RTL4: variants seen among roughly 807,000 people sequenced by gnomAD.
The protein encoded by RTL4 is retrotransposon Gag like 4.
RTL4 carries 4 observed loss-of-function variants against 5.3 expected under a neutral mutation model. The ratio of observed to expected loss-of-function variants is 0.75; its 90% CI spans 0.37 to 1.72. The LOEUF (loss-of-function observed/expected upper bound fraction) is 1.72. RTL4 is among the 40% of genes most tolerant of loss of function. The probability of loss-of-function intolerance (pLI) is 0.04; values close to 1 mark genes in which losing one functional copy is unlikely to be tolerated. For missense variants in RTL4, 260 were observed against 227.1 expected, an observed-to-expected ratio of 1.14 and a Z score of -0.93; for synonymous variants, 98 against 87.3, an observed-to-expected ratio of 1.12 and a Z score of -0.68.
chrX:112,256,922 A>G, the RTL4 span, among the ~76,000 whole-genome samples: 633 of 111,923 alleles, frequency 5.7e-3, 2 homozygotes, highest in African/African-American at 0.019. Flanking sequence ...TATTCTCTGT[A>G]GACAATCAAA....
chrX:112,325,441 A>G, the RTL4 span, among the ~76,000 whole-genome samples: 1 of 112,056 alleles, frequency 8.9e-6, no homozygotes. Context: ...TGATACTGGT[A>G]CCAAAACATT....
the RTL4 span, among the ~76,000 whole-genome samples, chrX:112,244,914 T>G: frequency 3.6e-5 from 4 of 112,088 alleles, no homozygotes; most frequent in Admixed American, 3.8e-4. Context: ...TCTCAGCATT[T>G]GCTTGTCTGT....
the RTL4 span, among the ~76,000 whole-genome samples, chrX:112,232,814 G>C: frequency 1.8e-5 from 2 of 111,200 alleles, no homozygotes; most frequent in African/African-American, 3.3e-5. Flanking sequence ...AACCTTAGGA[G>C]ACAGGAGACT....
chrX:112,266,783 G>T, the RTL4 span, among the ~76,000 whole-genome samples: 1 of 111,375 alleles, frequency 9.0e-6, no homozygotes, highest in Non-Finnish European at 1.9e-5. Context: ...TCCTAACTGA[G>T]ATGTCATAGC....
chrX:112,107,732 G>A, the RTL4 span, among the ~76,000 whole-genome samples: 1 of 111,657 alleles, frequency 9.0e-6, no homozygotes, highest in African/African-American at 3.3e-5. Flanking sequence ...GCTGCTTTCA[G>A]TGTGTTCTCT....
the RTL4 span, among the ~76,000 whole-genome samples, chrX:112,197,783 T>G: frequency 8.9e-6 from 1 of 111,859 alleles, no homozygotes; most frequent in South Asian, 3.7e-4. Context: ...ATATTTGTTT[T>G]TCTTTGTATT....
the RTL4 span, among the ~76,000 whole-genome samples, chrX:112,326,520 T>C: frequency 4.8e-3 from 540 of 111,899 alleles, 4 homozygotes; most frequent in African/African-American, 0.015. Flanking sequence ...ACGGAGTCTT[T>C]GCTGATTGCT....
the RTL4 span, among the ~76,000 whole-genome samples, chrX:112,352,920 G>A: frequency 2.7e-4 from 30 of 111,350 alleles, no homozygotes; most frequent in South Asian, 1.5e-3. Flanking sequence ...GAAAATTTTC[G>A]CAATCTACTT....
At chrX:112,453,630 T>C (rs1926781051), upstream of RTL4, among the ~76,000 whole-genome samples, 1 of 111,813 alleles carries the variant, frequency 8.9e-6, no homozygotes, top group African/African-American at 3.2e-5. Context: ...TGCAGGCTAG[T>C]CTTGGGGCAC....
At chrX:112,093,129 C>A in the RTL4 span, among the ~76,000 whole-genome samples, 4 of 111,427 alleles carry the variant, frequency 3.6e-5, no homozygotes, top group South Asian at 7.6e-4. Context: ...TTATTCTATT[C>A]ATTTCCACTA....
chrX:112,454,705 T>A (rs1239550038), exon 1 of RTL4: 2 of 1,157,376 alleles, frequency 1.7e-6, no homozygotes, highest in East Asian at 3.0e-5. Flanking sequence ...TTCTACTCAA[T>A]CCCACCTGAT....
At chrX:112,141,902 T>C in the RTL4 span, among the ~76,000 whole-genome samples, 1 of 111,864 alleles carries the variant, frequency 8.9e-6, no homozygotes, top group Non-Finnish European at 1.9e-5. Context: ...TAACTAAGGG[T>C]TTTGGAATCT....
At chrX:112,434,685 G>A in the RTL4 span, among the ~76,000 whole-genome samples, 2 of 111,074 alleles carry the variant, frequency 1.8e-5, no homozygotes, top group African/African-American at 3.3e-5. Flanking sequence ...AAAAACCCGA[G>A]TGGTTATTTC....
At chrX:112,440,066 C>A in the RTL4 span, among the ~76,000 whole-genome samples, 1 of 111,583 alleles carries the variant, frequency 9.0e-6, no homozygotes, top group Admixed American at 9.5e-5. Context: ...AAGAGGAACA[C>A]AAATGTCCTC....
At chrX:112,429,420 A>G in the RTL4 span, among the ~76,000 whole-genome samples, 1 of 111,050 alleles carries the variant, frequency 9.0e-6, no homozygotes, top group East Asian at 2.8e-4. Context: ...ATAACACCAT[A>G]CCATTTCATG....
the RTL4 span, among the ~76,000 whole-genome samples, chrX:112,419,628 A>ATAT: frequency 2.2e-3 from 20 of 9,206 alleles, no homozygotes; most frequent in African/African-American, 3.0e-3. Context: ...TATATATTTA[A>ATAT]GTATGTAAAT....
chrX:112,085,003 T>A, the RTL4 span, among the ~76,000 whole-genome samples: 51 of 112,678 alleles, frequency 4.5e-4, no homozygotes, highest in African/African-American at 1.6e-3. Context: ...ACCATACAAA[T>A]GCCAGGCATT....
the RTL4 span, among the ~76,000 whole-genome samples, chrX:112,168,965 TTTTCTTTCTTTCTTTC>T: frequency 4.3e-5 from 4 of 92,355 alleles, no homozygotes; most frequent in African/African-American, 1.6e-4. Context: ...CTTTCTTTCT[TTTTCTTTCTTTCTTTC>T]CTTTCTTTCT....
At chrX:112,169,021 TC>T in the RTL4 span, among the ~76,000 whole-genome samples, 1 of 64,573 alleles carries the variant, frequency 1.5e-5, no homozygotes, top group Non-Finnish European at 2.8e-5. Flanking sequence ...TCTTTCTTTC[TC>T]TTTCTCTTTC....
Sources: allele counts gnomAD v4.1 joint callset (sites outside exome capture counted in the v4.1 genomes callset), GRCh38; gene constraint gnomAD v4.1.1; transcripts MANE v1.5; gene names NCBI Gene and HGNC (gene_info 2026-07-23, HGNC 2026-07-21).